WWOX: variants seen among roughly 807,000 people sequenced by gnomAD.
The protein encoded by WWOX is WW domain-containing oxidoreductase.
A neutral mutation model predicts 46.2 loss-of-function variants in WWOX; 69 were observed. The ratio of observed to expected loss-of-function variants is 1.49; its 90% confidence interval spans 1.23 to 1.82. The LOEUF (loss-of-function observed/expected upper bound fraction) is 1.82, where lower values mean the gene tolerates loss of function less well. WWOX is among the 40% of genes most tolerant of loss of function. The probability of loss-of-function intolerance (pLI) is 0.00; values close to 1 mark genes in which losing one functional copy is unlikely to be tolerated. For synonymous variants in WWOX, 359 were observed against 202.6 expected (o/e 1.77, Z -6.56); for missense variants, 919 against 542.6 (o/e 1.69, Z -6.89).
rs1306782321 is a variant in WWOX at position 78,854,861 on chromosome 16, C to T, written c.1057-356747C>T. 4.6e-5 allele frequency among the ~76,000 whole-genome samples: 7 copies of T among 151,740 alleles called. No individual in the cohort carries two copies. The South Asian group carries it at 1.2e-3, about 27-fold the overall frequency. On this transcript the variant is annotated intron_variant, in intron 8 of 8. Coordinates refer to ENST00000566780, the MANE Select transcript of WWOX (RefSeq NM_016373.4). ...CCTCCCAAAGTGCTGGGATTAGAGG[C>T]CTGAGCCACCGCGCCAGCTCTATTT... is the stretch of plus-strand genomic sequence containing the variant.
intron 8 of WWOX, among the ~76,000 whole-genome samples, chr16:79,056,033 G>A (rs1018039607): frequency 2.0e-5 from 3 of 152,078 alleles, no homozygotes; most frequent in Middle Eastern, 3.4e-3. Flanking sequence ...GAAATAGAAG[G>A]CTTTAATTGA....
At chr16:78,910,420 G>T (rs1416410806) in intron 8 of WWOX, among the ~76,000 whole-genome samples, 3 of 151,910 alleles carry the variant, frequency 2.0e-5, no homozygotes, top group Non-Finnish European at 4.4e-5. Flanking sequence ...GTGTTATGGG[G>T]GTTGTTCCTC....
rs2046981195 is a variant in WWOX, at chr16:78,996,023, A to G, written c.1057-215585A>G. 1.3e-5 allele frequency among the ~76,000 whole-genome samples: 2 copies of G among 152,198 alleles called. 1 individual carries two copies. Among genetic ancestry groups the G allele is most frequent in the South Asian group, 4.1e-4 (2 of 4,832 alleles). ...GTGGCTTTGAATGAAATACATTTTC[A>G]TTTCACTGAAAGAAGAGGGAAACTG... On this transcript the variant is annotated intron_variant, in intron 8 of 8. Transcript: ENST00000566780.
intron 8 of WWOX, among the ~76,000 whole-genome samples, chr16:78,778,624 C>A (rs1242243196): frequency 1.3e-5 from 2 of 152,146 alleles, no homozygotes; most frequent in African/African-American, 2.4e-5. Flanking sequence ...TTTTATCTTA[C>A]AGCTTCTCTG....
intron 8 of WWOX, among the ~76,000 whole-genome samples, chr16:79,051,868 A>G (rs1597326906): frequency 6.6e-6 from 1 of 152,324 alleles, no homozygotes; most frequent in African/African-American, 2.4e-5. Flanking sequence ...CCCACAGTTT[A>G]GCCTAAATAT....
intron 8 of WWOX, chr16:79,202,526 C>G (rs940341902): frequency 2.0e-5 from 3 of 152,214 alleles, no homozygotes; most frequent in Non-Finnish European, 4.4e-5. Context: ...TGTTCCCGGG[C>G]CTGTGTGTGC....
chr16:78,316,077 C>G (rs1046342697), intron 5 of WWOX, among the ~76,000 whole-genome samples: 1 of 151,162 alleles, frequency 6.6e-6, no homozygotes, highest in Non-Finnish European at 1.5e-5. Flanking sequence ...GAAACCCTGT[C>G]TCTACTGAAA....
intron 8 of WWOX, among the ~76,000 whole-genome samples, chr16:78,511,576 C>T (rs1447616157): frequency 6.6e-6 from 1 of 152,226 alleles, no homozygotes; most frequent in East Asian, 1.9e-4. Flanking sequence ...TCCTCACTTA[C>T]ATCTCCCAAT....
rs115272824 is a variant in WWOX at position 78,993,583 on chromosome 16, A to G, written c.1057-218025A>G. Among the ~76,000 whole-genome samples, 968 of 152,274 alleles carry G rather than the reference A, an allele frequency of 6.4e-3. 5 individuals are homozygous for G. The highest frequency in any genetic ancestry group is 0.023 in the African/African-American group (945 of 41,546). ...GGCCTGGGTGTACGGAGCCCGGAAC[A>G]GGGATGGGGACAGGACCTTGCGCTG... On this transcript the variant is annotated intron_variant, in intron 8 of 8. Transcript: ENST00000566780.
chr16:78,599,464 C>T (rs2045570293), intron 8 of WWOX, among the ~76,000 whole-genome samples: 1 of 152,198 alleles, frequency 6.6e-6, no homozygotes, highest in Non-Finnish European at 1.5e-5. Flanking sequence ...TCAGTTCAAT[C>T]AGGCAGCCCC....
intron 8 of WWOX, among the ~76,000 whole-genome samples, chr16:78,482,508 C>G (rs2084519957): frequency 6.6e-6 from 1 of 152,320 alleles, no homozygotes; most frequent in Non-Finnish European, 1.5e-5. Flanking sequence ...CAGGCGTGAG[C>G]TGCCTTGCCT....
intron 8 of WWOX, among the ~76,000 whole-genome samples, chr16:78,621,719 C>G (rs1405866349): frequency 2.0e-5 from 3 of 148,676 alleles, no homozygotes; most frequent in Non-Finnish European, 4.4e-5. Flanking sequence ...ATTCTCCTGC[C>G]TCAGCCTGCG....
intron 8 of WWOX, among the ~76,000 whole-genome samples, chr16:78,912,526 C>T (rs529180545): frequency 3.1e-4 from 47 of 151,976 alleles, no homozygotes; most frequent in Non-Finnish European, 5.6e-4. Context: ...CCAGCTCCTC[C>T]GCTCTTCCCT....
At chr16:78,526,264 T>G (rs1277966191) in intron 8 of WWOX, 1 of 152,338 alleles carries the variant, frequency 6.6e-6, no homozygotes, top group Non-Finnish European at 1.5e-5. Flanking sequence ...GCTTCATGTG[T>G]TGTTGCCGTG....
At chr16:78,905,297 C>T (rs567838106) in intron 8 of WWOX, among the ~76,000 whole-genome samples, 3 of 152,064 alleles carry the variant, frequency 2.0e-5, no homozygotes, top group African/African-American at 4.8e-5. Flanking sequence ...TATTTACTTC[C>T]AATATGAAGC....
chr16:78,318,070 C>T (rs1167043529), intron 5 of WWOX, among the ~76,000 whole-genome samples: 1 of 152,090 alleles, frequency 6.6e-6, no homozygotes, highest in African/African-American at 2.4e-5. Flanking sequence ...GAAATTGGTT[C>T]TAACAATATC....
chr16:78,734,351 A>G (rs1218950190), intron 8 of WWOX, among the ~76,000 whole-genome samples: 3 of 152,140 alleles, frequency 2.0e-5, no homozygotes. Context: ...TGAATTTATC[A>G]TCAATATTTA....
intron 5 of WWOX, among the ~76,000 whole-genome samples, chr16:78,246,538 C>T (rs564184866): frequency 5.9e-5 from 9 of 152,298 alleles, no homozygotes; most frequent in Non-Finnish European, 1.2e-4. Flanking sequence ...GGAATGGTTC[C>T]ATCAATCACT....
At chr16:79,167,009 C>G (rs2050607611) in intron 8 of WWOX, among the ~76,000 whole-genome samples, 1 of 152,062 alleles carries the variant, frequency 6.6e-6, no homozygotes, top group Non-Finnish European at 1.5e-5. Context: ...GGCCTGATCT[C>G]TACTCTCTGC....
Sources: allele counts gnomAD v4.1 joint callset (sites outside exome capture counted in the v4.1 genomes callset), GRCh38; gene constraint gnomAD v4.1.1; transcripts MANE v1.5; gene names NCBI Gene and HGNC (gene_info 2026-07-23, HGNC 2026-07-21).